Variants in BYSL observed in about 807,000 individuals in gnomAD.
BYSL encodes bystin.
BYSL carries 21 observed loss-of-function variants against 45.4 expected under a neutral mutation model. The ratio of observed to expected loss-of-function variants is 0.46; its 90% CI spans 0.33 to 0.67. The LOEUF (loss-of-function observed/expected upper bound fraction) is 0.67. Ranked by LOEUF, BYSL falls within the 30% of genes least tolerant of loss-of-function variation. The probability of loss-of-function intolerance (pLI) is 0.02; values close to 1 mark genes in which losing one functional copy is unlikely to be tolerated. For missense variants in BYSL, 522 were observed against 578.5 expected (o/e 0.90, Z 1.00); for synonymous variants, 215 against 231.3 (o/e 0.93, Z 0.64).
chr6:41,920,264 A>G (rs1046744037), upstream of BYSL, among the ~76,000 whole-genome samples: 8 of 152,336 alleles, frequency 5.3e-5, no homozygotes, highest in South Asian at 1.2e-3. Context: ...CCTTATTATC[A>G]ATACCCTTTT....
chr6:41,914,393 A>C, the BYSL span, among the ~76,000 whole-genome samples: 1 of 152,304 alleles, frequency 6.6e-6, no homozygotes, highest in South Asian at 2.1e-4. Context: ...TACAGCTTAC[A>C]GGGAAAGTGC....
chr6:41,916,546 C>T (rs1218121989), upstream of BYSL, among the ~76,000 whole-genome samples: 2 of 152,076 alleles, frequency 1.3e-5, no homozygotes, highest in Non-Finnish European at 2.9e-5. Flanking sequence ...CACCATTGCA[C>T]TCCAGCCTGG....
chr6:41,931,324 A>G, intron 4 of BYSL, 72 bp from the exon 5 acceptor site: 3 of 1,551,990 alleles, frequency 1.9e-6, no homozygotes, highest in Non-Finnish European at 2.7e-6. Context: ...TGCACTATCC[A>G]TGGTGATATT....
In BYSL at chr6:41,931,437, T is replaced by G. The variant is rs1301263698; in HGVS notation, c.746T>G (p.Phe249Cys). 3 of 1,614,072 alleles carry G rather than the reference T, an allele frequency of 1.9e-6. No individual in the cohort carries two copies. The highest frequency in any genetic ancestry group is 2.5e-6 in the Non-Finnish European group (3 of 1,180,038). Residue 249 changes from phenylalanine to cysteine, a missense_variant, in exon 5 of 7, where the codon TTC becomes TGC. Coordinates refer to ENST00000230340, the MANE Select transcript of BYSL (RefSeq NM_004053.4). ...CTGAAGGAACGCATGGCCCAGCGCT[T>G]CTACAACCTTGTCCTGCTCCCTCGA... ...SNLKERMAQR[F>C]YNLVLLPRVR...
chr6:41,914,644 AG>A, the BYSL span, among the ~76,000 whole-genome samples: 40 of 152,076 alleles, frequency 2.6e-4, no homozygotes, highest in African/African-American at 9.4e-4. Flanking sequence ...GCCTAAGCCC[AG>A]GAGTTAGAGC....
chr6:41,932,531 A>G lies in BYSL; in HGVS notation c.1139A>G (p.Gln380Arg). Reference protein sequence around the residue: ...EKRELPVLWHQCLLTLVQRYK... With the variant: ...EKRELPVLWHRCLLTLVQRYK... ...CGTGAACTGCCTGTGCTGTGGCACC[A>G]GTGCCTCCTGACTTTGGTCCAGCGC... The change falls in exon 7 of 7, where the codon CAG becomes CGG. Residue 380 changes from glutamine (Q) to arginine (R), a missense_variant. By Grantham distance (43) the Gln-to-Arg change is conservative. Coordinates refer to ENST00000230340, the MANE Select transcript of BYSL (RefSeq NM_004053.4). This position sits in a 1 kb window ranked among gnomAD's most constrained non-coding sequence, Gnocchi z 4.7. 2 of 1,614,242 alleles carry G rather than the reference A, an allele frequency of 1.2e-6. No homozygotes were observed. The highest frequency in any genetic ancestry group is 2.2e-5 in the South Asian group (2 of 91,090).
chr6:41,908,769 C>T, the BYSL span, among the ~76,000 whole-genome samples: 1 of 152,084 alleles, frequency 6.6e-6, no homozygotes, highest in Admixed American at 6.6e-5. Context: ...CTTCCCGCTT[C>T]CTACTTGCCA....
At chr6:41,909,392 G>C in the BYSL span, 1 of 1,614,172 alleles carries the variant, frequency 6.2e-7, no homozygotes, top group South Asian at 1.1e-5. Flanking sequence ...TCTGGAAAAA[G>C]CCCTTGAGCT....
upstream of BYSL, chr6:41,921,129 T>C: frequency 2.1e-6 from 3 of 1,419,150 alleles, no homozygotes; most frequent in Non-Finnish European, 2.9e-6. Flanking sequence ...CAGAAGGGAC[T>C]CCGGAAATAC....
chr6:41,920,515 G>A (rs1775433738), upstream of BYSL, among the ~76,000 whole-genome samples: 1 of 152,194 alleles, frequency 6.6e-6, no homozygotes, highest in East Asian at 1.9e-4. Context: ...GATGTATCCA[G>A]AAGAGAATGA....
chr6:41,929,434 G>A (rs995693701), intron 2 of BYSL, among the ~76,000 whole-genome samples: 5 of 152,116 alleles, frequency 3.3e-5, no homozygotes, highest in African/African-American at 1.2e-4. Context: ...AGAGATAGAG[G>A]CTGCAGTGAG....
upstream of BYSL, chr6:41,921,325 T>G: frequency 1.6e-6 from 1 of 612,488 alleles, no homozygotes; most frequent in Non-Finnish European, 2.8e-6. Context: ...ACTCAAAGAC[T>G]GCACTATTGA....
intron 2 of BYSL, among the ~76,000 whole-genome samples, chr6:41,929,710 A>G (rs907091189): frequency 1.1e-4 from 17 of 152,246 alleles, no homozygotes; most frequent in African/African-American, 3.9e-4. Context: ...TAATGAACAG[A>G]CATTAACTTA....
In BYSL at chr6:41,932,681, A is replaced by G; in HGVS notation, c.1289A>G (p.Glu430Gly). 2 of 1,612,380 alleles carry G rather than the reference A, an allele frequency of 1.2e-6. No homozygotes were observed. Among genetic ancestry groups the G allele is most frequent in the Non-Finnish European group, 1.7e-6 (2 of 1,178,564 alleles). ...ELQSAVPRDVEDVPITVE is the reference protein window; with the variant it reads ...ELQSAVPRDVGDVPITVE ...CAGAGTGCAGTCCCCCGCGATGTGG[A>G]AGATGTTCCCATCACCGTGGAGTGA... is the stretch of plus-strand genomic sequence containing the variant. The change falls in exon 7 of 7, where the codon GAA becomes GGA. Residue 430 changes from glutamate to glycine, a missense_variant. Glu to Gly is a moderately conservative substitution (Grantham distance 98). Coordinates refer to ENST00000230340, the MANE Select transcript of BYSL (RefSeq NM_004053.4). The surrounding 1 kb of genome is among the most constrained non-coding windows in gnomAD (Gnocchi z 4.7).
At chr6:41,911,051 G>A in the BYSL span, among the ~76,000 whole-genome samples, 1 of 150,976 alleles carries the variant, frequency 6.6e-6, no homozygotes, top group East Asian at 2.0e-4. Context: ...AGAGGTTGCA[G>A]TGAGCCGAGA....
In BYSL at chr6:41,932,732, A is replaced by T; in HGVS notation, c.*26A>T. 4 of 1,583,468 alleles carry T rather than the reference A, an allele frequency of 2.5e-6. No individual in the cohort carries two copies. Among genetic ancestry groups the T allele is most frequent in the Non-Finnish European group, 3.4e-6 (4 of 1,161,898 alleles). On this transcript the variant is annotated 3_prime_UTR_variant, in exon 7 of 7. Coordinates refer to ENST00000230340, the MANE Select transcript of BYSL (RefSeq NM_004053.4). The surrounding 1 kb of genome is among the most constrained non-coding windows in gnomAD (Gnocchi z 4.7). ...GGAAAACAGTCAGCTGTCCTGGCCA[A>T]AGGGGTTTGGAAGGACACCAAGACC...
the BYSL span, among the ~76,000 whole-genome samples, chr6:41,910,901 G>A: frequency 1.5e-3 from 232 of 151,910 alleles, no homozygotes; most frequent in African/African-American, 4.5e-3. Flanking sequence ...TTGAGGTCAG[G>A]AGTTCGAGAC....
intron 1 of BYSL, among the ~76,000 whole-genome samples, chr6:41,924,603 G>A (rs1775538273): frequency 6.6e-6 from 1 of 152,180 alleles, no homozygotes; most frequent in African/African-American, 2.4e-5. Flanking sequence ...GAATGACTGG[G>A]TTAATCGGTA....
At chr6:41,914,378 G>GA in the BYSL span, among the ~76,000 whole-genome samples, 4 of 152,262 alleles carry the variant, frequency 2.6e-5, no homozygotes, top group South Asian at 6.2e-4. Flanking sequence ...AGAGAGCCTG[G>GA]AAAATACAGC....
Sources: gnomAD v4.1 joint callset for allele counts (sites outside exome capture counted in the v4.1 genomes callset) on GRCh38, gnomAD v4.1.1 for gene constraint, Gnocchi (gnomAD v3.1) non-coding constraint, MANE v1.5 for transcripts, NCBI Gene and HGNC (gene_info 2026-07-23, HGNC 2026-07-21) for gene names.